Variants in TTC21A observed in about 807,000 individuals in gnomAD.
TTC21A encodes the protein tetratricopeptide repeat domain 21A, also known as tetratricopeptide repeat protein 21A.
Under a neutral mutation model 156.4 loss-of-function variants are expected in TTC21A, and 128 were observed. The observed-to-expected ratio is 0.82, with a 90% CI of 0.71 to 0.95. TTC21A has a LOEUF of 0.95. TTC21A is among the 40% of genes least tolerant of loss of function. TTC21A has a pLI of 0.00. For synonymous variants in TTC21A, 587 were observed against 617.1 expected (o/e 0.95, Z 0.72); for missense variants, 1,435 against 1,602.3 (o/e 0.90, Z 1.78).
At chr3:39,126,878 G>A (rs1020600729) in intron 12 of TTC21A, among the ~76,000 whole-genome samples, 1 of 152,216 alleles carries the variant, frequency 6.6e-6, no homozygotes, top group Non-Finnish European at 1.5e-5. Flanking sequence ...CTTGCATCTA[G>A]TAAGGGGAAA....
Position 39,133,056 on chromosome 3 carries a change from T to TGGAC in TTC21A, c.2568_2571dup (p.Leu858GlyfsTer43). 1 of 1,614,198 alleles carries TGGAC rather than the reference T, an allele frequency of 6.2e-7. No individual in the cohort carries two copies. Among genetic ancestry groups the TGGAC allele is most frequent in the South Asian group, 1.1e-5 (1 of 91,084 alleles). On this transcript the variant is annotated frameshift_variant, in exon 20 of 29. Coordinates refer to ENST00000683103, the MANE Select transcript of TTC21A (RefSeq NM_001366900.1). LOFTEE classifies it high-confidence loss of function. ...TGGCTTGATTGGTTTCTCGAGGCCTTGGACCTCCAGTCTCGGATACTGAAG... is the reference window on the plus strand; with the variant it reads ...TGGCTTGATTGGTTTCTCGAGGCCTTGGACGGACCTCCAGTCTCGGATACTGAAG...
At chr3:39,129,395 TG>T (rs1358445581) in intron 15 of TTC21A, 85 bp downstream of exon 15, 2 of 1,028,536 alleles carry the variant, frequency 1.9e-6, no homozygotes, top group Non-Finnish European at 3.0e-6. Context: ...TTCTTCAACC[TG>T]GGTCTCCAGA....
intron 7 of TTC21A, chr3:39,119,692 C>A: frequency 2.5e-6 from 1 of 400,006 alleles, no homozygotes; most frequent in Non-Finnish European, 4.5e-6. Flanking sequence ...GGGGCAGTGC[C>A]AGCTCTGGGT....
chr3:39,118,364 G>A (rs2037468882), intron 7 of TTC21A: 1 of 600,420 alleles, frequency 1.7e-6, no homozygotes, highest in East Asian at 2.8e-5. Flanking sequence ...GCATCAGGCA[G>A]TGAGATTGAT....
intron 26 of TTC21A, 66 bp from the exon 27 acceptor site, chr3:39,138,201 C>T (rs1202581608): frequency 1.2e-6 from 2 of 1,607,324 alleles, no homozygotes; most frequent in African/African-American, 1.3e-5. Flanking sequence ...GTCCCAGTCC[C>T]ACCCTGGCCC....
intron 9 of TTC21A, among the ~76,000 whole-genome samples, chr3:39,121,406 C>T (rs1211594798): frequency 6.6e-6 from 1 of 152,164 alleles, no homozygotes; most frequent in Non-Finnish European, 1.5e-5. Context: ...CTCTGATCTC[C>T]ACCAGACCTC....
At chr3:39,109,377 C>G (rs922519845) in intron 2 of TTC21A, among the ~76,000 whole-genome samples, 163 bp downstream of exon 2, 1 of 152,202 alleles carries the variant, frequency 6.6e-6, no homozygotes, top group Non-Finnish European at 1.5e-5. Flanking sequence ...CCTACGTAAT[C>G]CATATCTAGT....
At chr3:39,111,360 G>C (rs569020244) in intron 4 of TTC21A, among the ~76,000 whole-genome samples, 1 of 152,274 alleles carries the variant, frequency 6.6e-6, no homozygotes, top group African/African-American at 2.4e-5. Context: ...CCATAGGTGT[G>C]TGCCAGCATG....
chr3:39,134,812 A>G lies in TTC21A; in HGVS notation c.2863-281A>G. Reference sequence around the variant, plus strand: ...AGGCTTCCCCTGTAGGCTGTCAAAAAGCCCCACTGGTCTCTACCACTAGTC... The same window carrying G: ...AGGCTTCCCCTGTAGGCTGTCAAAAGGCCCCACTGGTCTCTACCACTAGTC... On this transcript the variant is annotated intron_variant, in intron 21 of 28. Coordinates refer to ENST00000683103, the MANE Select transcript of TTC21A (RefSeq NM_001366900.1). This position sits in a 1 kb window ranked among gnomAD's most constrained non-coding sequence, Gnocchi z 4.6. The G allele has an allele frequency of 1.8e-6, 1 of 548,718 alleles. No homozygotes were observed. Among genetic ancestry groups the G allele is most frequent in the South Asian group, 2.2e-5 (1 of 44,774 alleles). The allele number at this position is 548,718 out of a possible 1,614,324, so 34.0% of individuals were successfully genotyped here.
intron 27 of TTC21A, 71 bp downstream of exon 27, chr3:39,138,458 C>T: frequency 1.9e-6 from 3 of 1,613,256 alleles, no homozygotes; most frequent in Non-Finnish European, 1.7e-6. Flanking sequence ...CCCACCATGA[C>T]CCCAGAACTC....
intron 2 of TTC21A, among the ~76,000 whole-genome samples, 163 bp downstream of exon 2, chr3:39,109,377 C>T (rs922519845): frequency 1.3e-5 from 2 of 152,202 alleles, no homozygotes; most frequent in African/African-American, 4.8e-5. Context: ...CCTACGTAAT[C>T]CATATCTAGT....
Position 39,126,396 on chromosome 3 carries a change from C to T in TTC21A, c.1522+6C>T, listed in dbSNP as rs755809210. On this transcript the variant is annotated splice_donor_region_variant and intron_variant, in intron 12 of 28. Coordinates refer to ENST00000683103, the MANE Select transcript of TTC21A (RefSeq NM_001366900.1). ...TCAGGTCAGGTATTACTCAGGTGAG[C>T]GGGGGATCCTGACAGCCGGGTGGGG... is the stretch of plus-strand genomic sequence containing the variant. 2.1e-5 allele frequency: 33 copies of T among 1,609,338 alleles called. No individual in the cohort carries two copies. Among genetic ancestry groups the T allele is most frequent in the African/African-American group, 5.4e-5 (4 of 74,508 alleles).
At chr3:39,111,610 C>A (rs987966366) in intron 4 of TTC21A, among the ~76,000 whole-genome samples, 1 of 152,040 alleles carries the variant, frequency 6.6e-6, no homozygotes, top group Non-Finnish European at 1.5e-5. Flanking sequence ...AGGGCTGATA[C>A]CAATTTTCAA....
At chr3:39,137,143 C>T in intron 24 of TTC21A, 52 bp from the exon 25 acceptor site, 1 of 1,599,652 alleles carries the variant, frequency 6.3e-7, no homozygotes, top group South Asian at 1.1e-5. Context: ...AGGTGAGGGC[C>T]ACACGGGCAG....
Position 39,130,302 on chromosome 3 carries a change from G to T in TTC21A, c.2263G>T (p.Ala755Ser), listed in dbSNP as rs773039362. Residue 755 changes from alanine (A) to serine (S), a missense_variant, in exon 17 of 29, where the codon GCC becomes TCC. Transcript: ENST00000683103. This position sits in a 1 kb window ranked among gnomAD's most constrained non-coding sequence, Gnocchi z 4.5. Reference protein sequence around the residue: ...DEAYRQNPHDASLASRIGHAY... With the variant: ...DEAYRQNPHDSSLASRIGHAY... ...GGCCTATAGACAGAACCCACATGACGCCTCCCTGGCCAGCAGAATTGGGCA... is the reference window on the plus strand; with the variant it reads ...GGCCTATAGACAGAACCCACATGACTCCTCCCTGGCCAGCAGAATTGGGCA... The T allele has an allele frequency of 1.2e-6, 2 of 1,613,952 alleles. No individual in the cohort carries two copies. The highest frequency in any genetic ancestry group is 1.7e-6 in the Non-Finnish European group (2 of 1,179,936).
In TTC21A at chr3:39,125,536, A is replaced by T. The variant is rs1267556470; in HGVS notation, c.1392+4A>T. On this transcript the variant is annotated splice_donor_region_variant and intron_variant, in intron 11 of 28. Transcript: ENST00000683103. ...CTTGCTCTTCTGCCCCAAGCAGGTTAGGGGAAGGCCTGTCTTCATGGTGGG... is the reference window on the plus strand; with the variant it reads ...CTTGCTCTTCTGCCCCAAGCAGGTTTGGGGAAGGCCTGTCTTCATGGTGGG... 6.2e-7 allele frequency: 1 copy of T among 1,605,534 alleles called. No homozygotes were observed. The highest frequency in any genetic ancestry group is 1.7e-5 in the Admixed American group (1 of 60,016).
At position 39,137,301 on chromosome 3, in the gene TTC21A, C is replaced by T. The variant is rs1277404145; in HGVS notation, c.3364C>T (p.Leu1122=). The change falls in exon 25 of 29, where the codon CTG becomes TTG. Residue 1122 remains leucine, a synonymous_variant. Coordinates refer to ENST00000683103, the MANE Select transcript of TTC21A (RefSeq NM_001366900.1). ...CTCCAGCCAGACCCAGCTGCGGCTG[C>T]TGCAGGGCCTCTGCCGGCTGGCCAC... is the stretch of plus-strand genomic sequence containing the variant. ...SDSSQTQLRL[L]QGLCRLATRE... The T allele has an allele frequency of 1.2e-6, 2 of 1,614,120 alleles. No individual in the cohort carries two copies. The highest frequency in any genetic ancestry group is 1.7e-6 in the Non-Finnish European group (2 of 1,180,018).
intron 5 of TTC21A, among the ~76,000 whole-genome samples, chr3:39,113,757 C>T (rs1012003571): frequency 6.6e-6 from 1 of 152,248 alleles, no homozygotes; most frequent in Admixed American, 6.5e-5. Context: ...GGATATAAAG[C>T]CAGTCTTCTA....
Position 39,134,219 on chromosome 3 carries a change from T to G in TTC21A, c.2753T>G (p.Val918Gly). ...VFSYLPTDNK[V>G]MLELAQLYLL... The stretch of plus-strand genomic sequence containing the variant: ...TTATTATATCCGGCCTTGTCCCAGG[T>G]GATGCTGGAGCTGGCGCAGCTCTAC... The change falls in exon 21 of 29, where the codon GTG (valine) becomes GGG (glycine). Residue 918 changes from valine (V) to glycine (G), a missense_variant and splice_region_variant. Val to Gly is a moderately radical substitution (Grantham distance 109, BLOSUM62 -3). Coordinates refer to ENST00000683103, the MANE Select transcript of TTC21A (RefSeq NM_001366900.1). This position sits in a 1 kb window ranked among gnomAD's most constrained non-coding sequence, Gnocchi z 4.6. 6.2e-7 allele frequency: 1 copy of G among 1,610,360 alleles called. No homozygotes were observed. Among genetic ancestry groups the G allele is most frequent in the Non-Finnish European group, 8.5e-7 (1 of 1,176,692 alleles).
Sources: gnomAD v4.1 joint callset for allele counts (sites outside exome capture counted in the v4.1 genomes callset) on GRCh38, gnomAD v4.1.1 for gene constraint, Gnocchi (gnomAD v3.1) non-coding constraint, MANE v1.5 for transcripts, NCBI Gene and HGNC (gene_info 2026-07-23, HGNC 2026-07-21) for gene names.